The following ALPK1 variants were observed in gnomAD, a reference collection of about 807,000 sequenced individuals.
ALPK1 encodes alpha kinase 1, also known as alpha-protein kinase 1.
A neutral mutation model predicts 120.6 loss-of-function variants in ALPK1; 110 were observed. That is an observed-to-expected ratio of 0.91 (90% confidence interval 0.78 to 1.07). The LOEUF (loss-of-function observed/expected upper bound fraction) is 1.07. Among genes scored for constraint, ALPK1 ranks in the 50% least tolerant of loss-of-function variants. The pLI, the probability that ALPK1 is intolerant of heterozygous loss-of-function variation, is 0.00. For missense variants in ALPK1, 1,498 were observed against 1,483.9 expected (o/e 1.01, Z -0.16); for synonymous variants, 582 against 560.3 (o/e 1.04, Z -0.55).
At chr4:112,390,372 A>G (rs1341115748) in intron 4 of ALPK1, among the ~76,000 whole-genome samples, 1 of 152,198 alleles carries the variant, frequency 6.6e-6, no homozygotes, top group Non-Finnish European at 1.5e-5. Flanking sequence ...GACTAAATCA[A>G]ACTTCCTCAA....
chr4:112,404,666 T>C (rs1021434572), intron 4 of ALPK1, among the ~76,000 whole-genome samples: 3 of 152,376 alleles, frequency 2.0e-5, no homozygotes, highest in East Asian at 1.9e-4. Flanking sequence ...CACTTTCTAT[T>C]GATTTCTCTT....
At chr4:112,344,927 AACC>A (rs1730040469) in intron 2 of ALPK1, among the ~76,000 whole-genome samples, 1 of 152,246 alleles carries the variant, frequency 6.6e-6, no homozygotes, top group Non-Finnish European at 1.5e-5. Flanking sequence ...TTTGGTTCAA[AACC>A]TCTAAGCATT....
chr4:112,313,488 C>T (rs367873806), intron 1 of ALPK1, among the ~76,000 whole-genome samples: 21 of 152,132 alleles, frequency 1.4e-4, no homozygotes, highest in African/African-American at 4.1e-4. Context: ...TTTGGGAGGC[C>T]GGGGCAGGTG....
intron 4 of ALPK1, among the ~76,000 whole-genome samples, chr4:112,385,532 A>G (rs1732116367): frequency 6.6e-6 from 1 of 152,108 alleles, no homozygotes; most frequent in Non-Finnish European, 1.5e-5. Flanking sequence ...AAGCAACCGC[A>G]CCTCCTAATG....
intron 2 of ALPK1, among the ~76,000 whole-genome samples, chr4:112,369,260 A>G (rs1731292217): frequency 1.3e-5 from 2 of 152,138 alleles, no homozygotes; most frequent in African/African-American, 4.8e-5. Flanking sequence ...ACCCAATAAT[A>G]TCTTTCTGAG....
intron 2 of ALPK1, among the ~76,000 whole-genome samples, chr4:112,360,062 C>T (rs1470398589): frequency 1.3e-5 from 2 of 152,184 alleles, no homozygotes; most frequent in East Asian, 3.8e-4. Context: ...CTTTGACCAA[C>T]TTCTCCCCAG....
rs1346667148 is a variant in ALPK1, at chr4:112,361,419, G to C, written c.-100-16259G>C. Among the ~76,000 whole-genome samples, 3 of 152,218 alleles carry C rather than the reference G, an allele frequency of 2.0e-5. No individual in the cohort carries two copies. The South Asian group carries it at 6.2e-4, about 31-fold the overall frequency. ...TAAGGCTGTAGGCTGCCAGGAAGCC[G>C]GGTGAGGCCTGTGGCTGCTGGCATT... On this transcript the variant is annotated intron_variant, in intron 2 of 15. Coordinates refer to ENST00000650871, the MANE Select transcript of ALPK1 (RefSeq NM_025144.4).
intron 2 of ALPK1, among the ~76,000 whole-genome samples, chr4:112,324,448 T>G (rs552307620): frequency 2.5e-4 from 38 of 152,230 alleles, no homozygotes; most frequent in Non-Finnish European, 4.0e-4. Flanking sequence ...GCCTGGCTTT[T>G]TTTGTTTGTT....
intron 2 of ALPK1, among the ~76,000 whole-genome samples, chr4:112,319,227 A>C (rs890314621): frequency 6.6e-6 from 1 of 152,198 alleles, no homozygotes; most frequent in South Asian, 2.1e-4. Context: ...TGAGGTTGGC[A>C]GCTTTGTTGC....
intron 2 of ALPK1, among the ~76,000 whole-genome samples, chr4:112,370,151 G>T (rs923675071): frequency 6.6e-6 from 1 of 152,130 alleles, no homozygotes; most frequent in Admixed American, 6.5e-5. Flanking sequence ...CACTGGTTTG[G>T]TTACTTTTTA....
In ALPK1 at chr4:112,431,993, C is replaced by A; in HGVS notation, c.2446C>A (p.Leu816Met). Residue 816 changes from leucine (L) to methionine (M), a missense_variant, in exon 11 of 16, where the codon CTG becomes ATG. By Grantham distance (15) the Leu-to-Met change is conservative (BLOSUM62 2). Transcript: ENST00000650871. ...CAATTCTCTGGGAAACATTTCCATG[C>A]TGCCATGTAGCTCCTTCACCCCTAA... The part of the protein sequence containing the change: ...LHNSLGNISM[L>M]PCSSFTPNWP... The A allele has an allele frequency of 1.9e-6, 3 of 1,614,128 alleles. No homozygotes were observed. Among genetic ancestry groups the A allele is most frequent in the Non-Finnish European group, 2.5e-6 (3 of 1,180,000 alleles).
intron 7 of ALPK1, chr4:112,426,043 A>G (rs867827635): frequency 1.8e-5 from 5 of 276,156 alleles, no homozygotes; most frequent in South Asian, 5.6e-5. Context: ...GCAGGACTCC[A>G]TGTGATATGG....
At chr4:112,338,207 T>C (rs1279999068) in intron 2 of ALPK1, among the ~76,000 whole-genome samples, 1 of 152,218 alleles carries the variant, frequency 6.6e-6, no homozygotes, top group Non-Finnish European at 1.5e-5. Flanking sequence ...CTTCAGGTGA[T>C]CCACCCACTT....
At chr4:112,375,347 T>A (rs1004377207) in intron 2 of ALPK1, among the ~76,000 whole-genome samples, 3 of 152,094 alleles carry the variant, frequency 2.0e-5, no homozygotes, top group Non-Finnish European at 4.4e-5. Flanking sequence ...ACCCAGCTAA[T>A]TTTTTTATTT....
At chr4:112,298,421 G>A (rs1030846222) in intron 1 of ALPK1, among the ~76,000 whole-genome samples, 9 of 152,034 alleles carry the variant, frequency 5.9e-5, no homozygotes, top group Admixed American at 4.6e-4. Context: ...TCTGCTGACC[G>A]AAACAATTTA....
At position 112,430,570 on chromosome 4, in the gene ALPK1, T is replaced by C; in HGVS notation, c.1023T>C (p.Asp341=). 1 of 1,614,028 alleles carries C rather than the reference T, an allele frequency of 6.2e-7. No individual in the cohort carries two copies. The highest frequency in any genetic ancestry group is 8.5e-7 in the Non-Finnish European group (1 of 1,179,990). Residue 341 remains aspartate, a synonymous_variant, in exon 11 of 16, where the codon GAT becomes GAC. Transcript: ENST00000650871. ...AGATTGGCCTCCTCACCAAGAGAGA[T>C]GATGAGCCTGTTACTGGAAAACAGG... ...AFEIGLLTKR[D]DEPVTGKQEL...
At chr4:112,357,331 T>C in intron 2 of ALPK1, 1 of 838,018 alleles carries the variant, frequency 1.2e-6, no homozygotes, top group Non-Finnish European at 1.9e-6. Context: ...TTGTGTTCAG[T>C]GTAGACCCCT....
chr4:112,306,985 T>C (rs1456852541), intron 1 of ALPK1, among the ~76,000 whole-genome samples: 1 of 152,284 alleles, frequency 6.6e-6, no homozygotes, highest in Admixed American at 6.5e-5. Context: ...AACATCTTTA[T>C]ATCTGCCTTC....
chr4:112,400,440 T>C (rs1208282917), intron 4 of ALPK1, among the ~76,000 whole-genome samples: 1 of 152,170 alleles, frequency 6.6e-6, no homozygotes, highest in African/African-American at 2.4e-5. Context: ...CAGCTGAGAC[T>C]CAGGAGAATT....
Sources: gnomAD v4.1 joint callset for allele counts (sites outside exome capture counted in the v4.1 genomes callset) on GRCh38, gnomAD v4.1.1 for gene constraint, MANE v1.5 for transcripts, NCBI Gene and HGNC (gene_info 2026-07-23, HGNC 2026-07-21) for gene names.